TLN2: variants seen among roughly 807,000 people sequenced by gnomAD.
TLN2 encodes the protein talin 2, also known as talin-2.
Under a neutral mutation model 294.7 loss-of-function variants are expected in TLN2, and 118 were observed. The observed-to-expected ratio is 0.40, with a 90% CI of 0.34 to 0.47. The LOEUF (loss-of-function observed/expected upper bound fraction) is 0.47, where lower values mean the gene tolerates loss of function less well. Among genes scored for constraint, TLN2 ranks in the 20% least tolerant of loss-of-function variants. The probability of loss-of-function intolerance (pLI) is 0.84; values close to 1 mark genes in which losing one functional copy is unlikely to be tolerated. For missense variants in TLN2, 3,083 were observed against 3,282.2 expected, an observed-to-expected ratio of 0.94 and a Z score of 1.48; for synonymous variants, 1,431 against 1,304.5, an observed-to-expected ratio of 1.10 and a Z score of -2.09.
intron 1 of TLN2, among the ~76,000 whole-genome samples, chr15:62,495,717 A>G (rs1219383918): frequency 2.6e-5 from 4 of 152,182 alleles, no homozygotes; most frequent in African/African-American, 7.2e-5. Flanking sequence ...GTAGACTTAT[A>G]TTACTCCTCC....
intron 54 of TLN2, chr15:62,830,783 ACTGTAGTAT>A (rs1317895175): frequency 2.0e-5 from 3 of 152,150 alleles, no homozygotes; most frequent in African/African-American, 7.2e-5. Context: ...CTCTGCCCAA[ACTGTAGTAT>A]CTAACATTAG....
chr15:62,714,209 C>G (rs77725961), intron 22 of TLN2, among the ~76,000 whole-genome samples: 7 of 62,294 alleles, frequency 1.1e-4, no homozygotes, highest in South Asian at 7.0e-4. Context: ...TTTTTTTTTT[C>G]TTTTTTTTTT....
chr15:62,690,082 C>T (rs868643933), intron 12 of TLN2, among the ~76,000 whole-genome samples: 2,135 of 65,226 alleles, frequency 0.033, 74 homozygotes, highest in African/African-American at 0.074. Context: ...ACGGGGCGGC[C>T]GGCCGGGCGG....
chr15:62,536,876 TTCA>T (rs2041383877), intron 1 of TLN2, among the ~76,000 whole-genome samples: 1 of 152,250 alleles, frequency 6.6e-6, no homozygotes, highest in Non-Finnish European at 1.5e-5. Flanking sequence ...AATTAGCATA[TTCA>T]TCACCTCAAA....
chr15:62,768,746 A>G (rs751928629), intron 41 of TLN2, among the ~76,000 whole-genome samples: 10 of 152,232 alleles, frequency 6.6e-5, no homozygotes, highest in Admixed American at 1.3e-4. Flanking sequence ...CTCCCTAAAT[A>G]CAGAGAAAAG....
intron 37 of TLN2, among the ~76,000 whole-genome samples, chr15:62,757,583 C>T (rs1034621613): frequency 1.3e-5 from 2 of 152,186 alleles, no homozygotes; most frequent in Admixed American, 1.3e-4. Context: ...CTATATAAAG[C>T]ATCTCTGTTA....
intron 12 of TLN2, among the ~76,000 whole-genome samples, chr15:62,690,854 A>C (rs1256596097): frequency 2.0e-5 from 3 of 151,702 alleles, no homozygotes; most frequent in Non-Finnish European, 4.4e-5. Context: ...CCACCAAAAA[A>C]AATACGAAAA....
At chr15:62,652,227 T>C in intron 6 of TLN2, 93 bp downstream of exon 6, 1 of 1,346,088 alleles carries the variant, frequency 7.4e-7, no homozygotes, top group Non-Finnish European at 9.8e-7. Flanking sequence ...TCTAGGCAAC[T>C]TTGAATGTGT....
intron 1 of TLN2, among the ~76,000 whole-genome samples, chr15:62,575,099 G>A (rs1353972630): frequency 6.6e-6 from 1 of 152,136 alleles, no homozygotes; most frequent in African/African-American, 2.4e-5. Flanking sequence ...GATAGCTTGA[G>A]CCCAGGAGTT....
At chr15:62,679,011 A>G (rs2056530068) in intron 11 of TLN2, among the ~76,000 whole-genome samples, 1 of 148,766 alleles carries the variant, frequency 6.7e-6, no homozygotes, top group African/African-American at 2.5e-5. Context: ...TATTTATCCT[A>G]TAACAAGATA....
chr15:62,823,690 A>G (rs1027206047), intron 54 of TLN2, among the ~76,000 whole-genome samples: 13 of 152,190 alleles, frequency 8.5e-5, no homozygotes, highest in African/African-American at 3.1e-4. Flanking sequence ...TTTCCACCTC[A>G]GGCTCTTAAA....
At chr15:62,825,430 T>G (rs1054373432) in intron 54 of TLN2, among the ~76,000 whole-genome samples, 1 of 151,930 alleles carries the variant, frequency 6.6e-6, no homozygotes, top group African/African-American at 2.4e-5. Flanking sequence ...GTGATTAATA[T>G]GGTGAAGGGA....
intron 10 of TLN2, among the ~76,000 whole-genome samples, chr15:62,674,747 C>T (rs2055950557): frequency 6.6e-6 from 1 of 152,160 alleles, no homozygotes. Flanking sequence ...AATGATCTAG[C>T]CACCTTGGCC....
chr15:62,537,769 A>T (rs1456849922), intron 1 of TLN2, among the ~76,000 whole-genome samples: 1 of 152,076 alleles, frequency 6.6e-6, no homozygotes, highest in Non-Finnish European at 1.5e-5. Context: ...AACCTGATTG[A>T]CTTCTCTGCT....
intron 1 of TLN2, among the ~76,000 whole-genome samples, chr15:62,545,373 T>G (rs2041933997): frequency 6.6e-6 from 1 of 152,148 alleles, no homozygotes; most frequent in African/African-American, 2.4e-5. Context: ...CACATTTGTC[T>G]GTTGAAGAGG....
chr15:62,734,727 T>C (rs1293956207), intron 28 of TLN2, among the ~76,000 whole-genome samples: 1 of 152,262 alleles, frequency 6.6e-6, no homozygotes, highest in Non-Finnish European at 1.5e-5. Context: ...CTTTGTCATT[T>C]ACCTTGATTA....
At chr15:62,640,543 T>C (rs1323722114) in intron 3 of TLN2, among the ~76,000 whole-genome samples, 3 of 152,112 alleles carry the variant, frequency 2.0e-5, no homozygotes, top group Non-Finnish European at 4.4e-5. Flanking sequence ...GCAGAGCTCA[T>C]GAACAAGCCC....
chr15:62,671,214 C>A (rs180869722), intron 9 of TLN2, among the ~76,000 whole-genome samples: 4 of 152,200 alleles, frequency 2.6e-5, no homozygotes, highest in Admixed American at 6.5e-5. Context: ...CCAATATTTT[C>A]CCCCATTCTA....
At chr15:62,570,441 A>C (rs1488967826) in intron 1 of TLN2, among the ~76,000 whole-genome samples, 2 of 152,250 alleles carry the variant, frequency 1.3e-5, no homozygotes, top group Admixed American at 1.3e-4. Flanking sequence ...ATCAAATCCC[A>C]CATCTGGTTA....
Sources: gnomAD v4.1 joint callset for allele counts (sites outside exome capture counted in the v4.1 genomes callset) on GRCh38, gnomAD v4.1.1 for gene constraint, MANE v1.5 for transcripts, NCBI Gene and HGNC (gene_info 2026-07-23, HGNC 2026-07-21) for gene names.